The following MCF2L variants were observed in gnomAD, a reference collection of about 807,000 sequenced individuals.
The protein encoded by MCF2L is guanine nucleotide exchange factor DBS.
MCF2L carries 97 observed loss-of-function variants against 153.4 expected under a neutral mutation model. The ratio of observed to expected loss-of-function variants is 0.63; its 90% CI spans 0.54 to 0.75. The LOEUF (loss-of-function observed/expected upper bound fraction) is 0.75, where lower values mean the gene tolerates loss of function less well. Ranked by LOEUF, MCF2L falls within the 30% of genes least tolerant of loss-of-function variation. The pLI is 0.00. For synonymous variants in MCF2L, 659 were observed against 632.2 expected, an observed-to-expected ratio of 1.04 and a Z score of -0.64; for missense variants, 1,347 against 1,495.2, an observed-to-expected ratio of 0.90 and a Z score of 1.64.
intron 1 of MCF2L, among the ~76,000 whole-genome samples, chr13:112,900,439 CAA>C (rs934761908): frequency 6.6e-6 from 1 of 152,196 alleles, no homozygotes; most frequent in Non-Finnish European, 1.5e-5. Flanking sequence ...CACACGTAAA[CAA>C]AAGACATGTA....
At chr13:112,901,443 A>G (rs938479467) in intron 1 of MCF2L, among the ~76,000 whole-genome samples, 6 of 152,162 alleles carry the variant, frequency 3.9e-5, no homozygotes, top group Non-Finnish European at 8.8e-5. Context: ...CGTGAGCCAC[A>G]ATACGGTTTA....
At chr13:112,968,880 G>A (rs2081948137), upstream of MCF2L, 3 of 797,796 alleles carry the variant, frequency 3.8e-6, no homozygotes, top group Non-Finnish European at 5.4e-6. Flanking sequence ...AGGGGACCTC[G>A]GCGGTGACAC....
chr13:112,996,691 G>A (rs2083148857), intron 1 of MCF2L, among the ~76,000 whole-genome samples: 1 of 152,216 alleles, frequency 6.6e-6, no homozygotes, highest in Non-Finnish European at 1.5e-5. Context: ...TCCCGAGACT[G>A]TCGTCCTCAG....
chr13:112,909,165 G>T (rs2081203833), intron 2 of MCF2L: 7 of 774,018 alleles, frequency 9.0e-6, no homozygotes, highest in Non-Finnish European at 1.7e-5. Context: ...TTAAGTCCAG[G>T]ACTGGCAAAA....
In MCF2L at chr13:113,081,210, C is replaced by G; in HGVS notation, c.1809-3C>G. The G allele has an allele frequency of 1.3e-6, 2 of 1,580,860 alleles. No homozygotes were observed. The highest frequency in any genetic ancestry group is 1.7e-6 in the Non-Finnish European group (2 of 1,163,666). ...TTTTGCTCTCCACATGACCTGCCAC[C>G]AGGCACGTGATGAGCGAGCTCCTGG... On this transcript the variant is annotated splice_polypyrimidine_tract_variant and splice_region_variant and intron_variant, in intron 15 of 29. Coordinates refer to ENST00000535094, the MANE Select transcript of MCF2L (RefSeq NM_001112732.3).
intron 2 of MCF2L, among the ~76,000 whole-genome samples, chr13:112,952,631 G>C (rs2081707432): frequency 6.6e-6 from 1 of 152,196 alleles, no homozygotes; most frequent in African/African-American, 2.4e-5. Context: ...GGGAGAATCT[G>C]AAAGTTGAAA....
intron 1 of MCF2L, among the ~76,000 whole-genome samples, chr13:112,973,826 A>T (rs2082130900): frequency 6.6e-6 from 1 of 152,148 alleles, no homozygotes; most frequent in Non-Finnish European, 1.5e-5. Flanking sequence ...GGAGTGAGTG[A>T]TGCCAGGCAG....
chr13:113,088,539 G>A lies in MCF2L; in HGVS notation c.2768-23G>A, dbSNP rs974956747. The A allele has an allele frequency of 5.0e-6, 8 of 1,611,518 alleles. No individual in the cohort carries two copies. In the Admixed American group the frequency reaches 1.2e-4, roughly 24 times the overall value. Reference sequence around the variant, plus strand: ...TGAAGTAAAGACGCTCGTTCACGTGGTTTGTCTGCTCCCTCCTCGCAGAAG... The same window carrying A: ...TGAAGTAAAGACGCTCGTTCACGTGATTTGTCTGCTCCCTCCTCGCAGAAG... On this transcript the variant is annotated intron_variant, in intron 24 of 29. Coordinates refer to ENST00000535094, the MANE Select transcript of MCF2L (RefSeq NM_001112732.3).
intron 27 of MCF2L, chr13:113,096,069 T>A: frequency 1.9e-6 from 1 of 515,552 alleles, no homozygotes; most frequent in Non-Finnish European, 3.4e-6. Context: ...GGAAGGGCCC[T>A]CCGGGAGGCG....
rs763266950 is a variant in MCF2L, at chr13:113,094,507, C to T, written c.2954-7C>T. 3.1e-6 allele frequency: 5 copies of T among 1,609,524 alleles called. No individual in the cohort carries two copies. On this transcript the variant is annotated splice_region_variant and splice_polypyrimidine_tract_variant and intron_variant, in intron 26 of 29. Transcript: ENST00000535094. ...GGGGGTCCCTCACGGGTGTCTGTCT[C>T]TCTTAGGTTGGAGCAAAACGTCCCA... is the stretch of plus-strand genomic sequence containing the variant.
At chr13:112,905,680 T>G (rs2081165949) in intron 2 of MCF2L, among the ~76,000 whole-genome samples, 1 of 152,184 alleles carries the variant, frequency 6.6e-6, no homozygotes, top group South Asian at 2.1e-4. Flanking sequence ...GGCATAACAT[T>G]CTGAGGTTCA....
Position 113,046,730 on chromosome 13 carries a change from C to G in MCF2L, c.369+1369C>G. 2.0e-6 allele frequency: 1 copy of G among 493,892 alleles called. No homozygotes were observed. Among genetic ancestry groups the G allele is most frequent in the Non-Finnish European group, 4.2e-6 (1 of 239,766 alleles). 30.6% of individuals were successfully genotyped at this position (493,892 alleles called of 1,614,324 possible). On this transcript the variant is annotated intron_variant, in intron 4 of 29. Coordinates refer to ENST00000535094, the MANE Select transcript of MCF2L (RefSeq NM_001112732.3). This position sits in a 1 kb window ranked among gnomAD's most constrained non-coding sequence, Gnocchi z 4.4. ...CTTGCACCCCCACGGCACCTCTCTG[C>G]CCCTCGCCGCGGCGGATCCCCGTTC...
intron 1 of MCF2L, among the ~76,000 whole-genome samples, chr13:112,992,401 C>A (rs1336299850): frequency 6.6e-6 from 1 of 152,186 alleles, no homozygotes; most frequent in Non-Finnish European, 1.5e-5. Flanking sequence ...TGTCATGAGG[C>A]CCAGTCGGAA....
intron 8 of MCF2L, among the ~76,000 whole-genome samples, chr13:113,067,052 C>T (rs186342789): frequency 4.6e-5 from 7 of 152,376 alleles, no homozygotes; most frequent in Non-Finnish European, 8.8e-5. Context: ...GCAGCACAGC[C>T]CATGAGGGTG....
chr13:112,995,630 G>A (rs528495415), intron 1 of MCF2L, among the ~76,000 whole-genome samples: 11 of 152,336 alleles, frequency 7.2e-5, no homozygotes, highest in South Asian at 2.1e-4. Context: ...GATGTGCCCC[G>A]TGTGGGACCG....
At chr13:113,007,793 C>T (rs537849524) in intron 1 of MCF2L, among the ~76,000 whole-genome samples, 5 of 152,280 alleles carry the variant, frequency 3.3e-5, no homozygotes, top group East Asian at 3.9e-4. Flanking sequence ...AGGTGATTGC[C>T]GGACTTACAT....
At chr13:112,909,128 C>T in intron 2 of MCF2L, 1 of 737,740 alleles carries the variant, frequency 1.4e-6, no homozygotes, top group Non-Finnish European at 2.5e-6. Flanking sequence ...AATTCTCTCC[C>T]TCCTGCTTGC....
intron 4 of MCF2L, among the ~76,000 whole-genome samples, chr13:113,058,736 C>CGCTGTGTGGGT (rs148607244): frequency 0.44 from 52,204 of 119,544 alleles, 11,325 homozygotes; most frequent in African/African-American, 0.51. Flanking sequence ...GCTGTGTGGG[C>CGCTGTGTGGGT]GCTGAGTGGG....
Position 113,033,399 on chromosome 13 carries a change from G to T in MCF2L, c.278+8641G>T, listed in dbSNP as rs909484671. ...GTGACGTGAGTGGCCCCCGTGATGT[G>T]AGTGGACCCCGTGGCGTGAGTGGCC... On this transcript the variant is annotated intron_variant, in intron 3 of 29. Coordinates refer to ENST00000535094, the MANE Select transcript of MCF2L (RefSeq NM_001112732.3). 6.6e-3 allele frequency among the ~76,000 whole-genome samples: 196 copies of T among 29,646 alleles called. 3 individuals carry two copies. Among genetic ancestry groups the T allele is most frequent in the East Asian group, 0.015 (10 of 682 alleles). The allele number at this position is 29,646 out of a possible 152,430, so 19.4% of individuals were successfully genotyped here. A position where few individuals can be genotyped will look rare whatever the true frequency, so the allele number is the denominator to read the frequency against.
Sources: gnomAD v4.1 joint callset for allele counts (sites outside exome capture counted in the v4.1 genomes callset) on GRCh38, gnomAD v4.1.1 for gene constraint, Gnocchi (gnomAD v3.1) non-coding constraint, MANE v1.5 for transcripts, NCBI Gene and HGNC (gene_info 2026-07-23, HGNC 2026-07-21) for gene names.